Variants in MEF2A observed in about 807,000 individuals in gnomAD.
The protein encoded by MEF2A is myocyte enhancer factor 2A.
A neutral mutation model predicts 55.8 loss-of-function variants in MEF2A; 28 were observed. The ratio of observed to expected loss-of-function variants is 0.50; its 90% CI spans 0.37 to 0.69. MEF2A has a LOEUF of 0.69. Ranked by LOEUF, MEF2A falls within the 30% of genes least tolerant of loss-of-function variation. The probability of loss-of-function intolerance (pLI) is 0.00; values close to 1 mark genes in which losing one functional copy is unlikely to be tolerated. For missense variants in MEF2A, 528 were observed against 626.2 expected (o/e 0.84, Z 1.67); for synonymous variants, 239 against 227.1 (o/e 1.05, Z -0.47).
chr15:99,689,431 T>G (rs1241282521), intron 7 of MEF2A, among the ~76,000 whole-genome samples: 1 of 152,146 alleles, frequency 6.6e-6, no homozygotes, highest in Non-Finnish European at 1.5e-5. Flanking sequence ...CTATAATACC[T>G]CCATTATTTT....
chr15:99,663,138 A>C (rs1307622964), intron 4 of MEF2A, among the ~76,000 whole-genome samples: 3 of 152,062 alleles, frequency 2.0e-5, no homozygotes, highest in Non-Finnish European at 4.4e-5. Flanking sequence ...GCTCTAGCAG[A>C]TACTCCAGCA....
intron 2 of MEF2A, among the ~76,000 whole-genome samples, chr15:99,620,688 G>A (rs2041001445): frequency 6.6e-6 from 1 of 151,738 alleles, no homozygotes. Context: ...TTTTCCTTTG[G>A]GTATATACCC....
intron 4 of MEF2A, among the ~76,000 whole-genome samples, chr15:99,669,924 G>C (rs1377083409): frequency 6.6e-6 from 1 of 152,162 alleles, no homozygotes; most frequent in Admixed American, 6.5e-5. Context: ...TCTGGGACTA[G>C]TTCAGTGATC....
chr15:99,605,301 T>C (rs1974658091), intron 2 of MEF2A, among the ~76,000 whole-genome samples: 1 of 152,192 alleles, frequency 6.6e-6, no homozygotes, highest in Admixed American at 6.5e-5. Flanking sequence ...ATAATCCAAA[T>C]TAATTTACCT....
chr15:99,589,452 A>G (rs985952692), intron 1 of MEF2A, among the ~76,000 whole-genome samples: 1 of 152,034 alleles, frequency 6.6e-6, no homozygotes, highest in Non-Finnish European at 1.5e-5. Flanking sequence ...AGTTCTTTTC[A>G]AATAACCAAC....
chr15:99,675,359 T>A (rs778517330), intron 6 of MEF2A, 40 bp from the exon 7 acceptor site: 1 of 1,561,596 alleles, frequency 6.4e-7, no homozygotes, highest in Non-Finnish European at 8.8e-7. Context: ...TAATTCATAT[T>A]CATTCTCTGC....
At chr15:99,705,456 G>C (rs2057920146) in intron 9 of MEF2A, among the ~76,000 whole-genome samples, 1 of 152,156 alleles carries the variant, frequency 6.6e-6, no homozygotes, top group Non-Finnish European at 1.5e-5. Flanking sequence ...GACAAAGATT[G>C]CTATATCTTC....
chr15:99,688,114 C>T (rs1446068397), intron 7 of MEF2A, among the ~76,000 whole-genome samples: 1 of 152,166 alleles, frequency 6.6e-6, no homozygotes, highest in Non-Finnish European at 1.5e-5. Flanking sequence ...TTGTGATTTA[C>T]TTTGAAATTG....
intron 1 of MEF2A, among the ~76,000 whole-genome samples, chr15:99,582,196 G>C (rs1024329492): frequency 6.6e-6 from 1 of 152,074 alleles, no homozygotes; most frequent in Non-Finnish European, 1.5e-5. Context: ...CATTAATAAT[G>C]ATTAATAAAG....
chr15:99,602,564 C>T (rs1973455500), intron 2 of MEF2A, among the ~76,000 whole-genome samples: 1 of 152,078 alleles, frequency 6.6e-6, no homozygotes, highest in African/African-American at 2.4e-5. Flanking sequence ...GACTGCCTTT[C>T]ACTGGCTTGG....
At chr15:99,689,869 C>T (rs1418251501) in intron 7 of MEF2A, among the ~76,000 whole-genome samples, 2 of 152,194 alleles carry the variant, frequency 1.3e-5, no homozygotes, top group African/African-American at 4.8e-5. Context: ...ATATGTATTT[C>T]AGACTTTGCT....
intron 8 of MEF2A, among the ~76,000 whole-genome samples, chr15:99,692,147 T>A (rs2153726108): frequency 6.6e-6 from 1 of 152,338 alleles, no homozygotes; most frequent in East Asian, 1.9e-4. Context: ...TTTGGTATAA[T>A]GCTTTATAGA....
chr15:99,645,219 G>A (rs2045765455), intron 3 of MEF2A, among the ~76,000 whole-genome samples: 1 of 152,290 alleles, frequency 6.6e-6, no homozygotes, highest in East Asian at 1.9e-4. Context: ...ACATTACCTG[G>A]CTGGGATTTG....
intron 2 of MEF2A, among the ~76,000 whole-genome samples, chr15:99,622,293 T>C (rs2041315503): frequency 6.6e-6 from 1 of 152,190 alleles, no homozygotes; most frequent in Admixed American, 6.5e-5. Flanking sequence ...TGGGATTTAA[T>C]TGGAGAGATT....
At chr15:99,661,384 G>A (rs967570496) in intron 4 of MEF2A, among the ~76,000 whole-genome samples, 2 of 146,122 alleles carry the variant, frequency 1.4e-5, no homozygotes, top group African/African-American at 2.5e-5. Context: ...ATTTGACTCC[G>A]TTTAAGAACT....
intron 3 of MEF2A, among the ~76,000 whole-genome samples, chr15:99,638,248 G>A (rs2044239192): frequency 6.6e-6 from 1 of 151,802 alleles, no homozygotes; most frequent in Non-Finnish European, 1.5e-5. Context: ...GCCAGCTTTT[G>A]ATCTTAAAAA....
intron 7 of MEF2A, among the ~76,000 whole-genome samples, chr15:99,678,117 T>C (rs2052477532): frequency 1.3e-5 from 2 of 152,226 alleles, no homozygotes; most frequent in Admixed American, 1.3e-4. Flanking sequence ...TTCACTAATA[T>C]TCAATTCGAA....
At chr15:99,635,724 C>CAGT (rs1448449750) in intron 3 of MEF2A, among the ~76,000 whole-genome samples, 1 of 152,118 alleles carries the variant, frequency 6.6e-6, no homozygotes, top group East Asian at 1.9e-4. Flanking sequence ...TGAAATTTAT[C>CAGT]AGTGGTATTG....
chr15:99,675,190 A>G (rs2051714190), intron 6 of MEF2A, among the ~76,000 whole-genome samples: 1 of 152,184 alleles, frequency 6.6e-6, no homozygotes, highest in African/African-American at 2.4e-5. Flanking sequence ...AGGCGACATC[A>G]AGCTTGAAAG....
Sources: gnomAD v4.1 joint callset for allele counts (sites outside exome capture counted in the v4.1 genomes callset) on GRCh38, gnomAD v4.1.1 for gene constraint, MANE v1.5 for transcripts, NCBI Gene and HGNC (gene_info 2026-07-23, HGNC 2026-07-21) for gene names.